The following UNC80 variants were observed in gnomAD, a reference collection of about 807,000 sequenced individuals.
The protein encoded by UNC80 is unc-80 subunit of NALCN channel complex, also known as protein unc-80 homolog.
In UNC80, 164 loss-of-function variants were observed where a neutral mutation model predicts 384.6. The observed-to-expected ratio is 0.43, with a 90% CI of 0.38 to 0.49. The LOEUF is 0.49. Ranked by LOEUF, UNC80 falls within the 20% of genes least tolerant of loss-of-function variation. UNC80 has a pLI of 0.00. For synonymous variants in UNC80, 1,486 were observed against 1,527.8 expected, an observed-to-expected ratio of 0.97 and a Z score of 0.64; for missense variants, 3,330 against 4,143.0, an observed-to-expected ratio of 0.80 and a Z score of 5.39.
intron 42 of UNC80, 65 bp downstream of exon 42, chr2:209,937,695 ACTTTGCC>A: frequency 3.2e-6 from 4 of 1,231,040 alleles, no homozygotes; most frequent in Non-Finnish European, 4.7e-6. Context: ...ATCTGTTCAT[ACTTTGCC>A]AACTTTGAGA....
At chr2:209,807,725 A>G (rs2078998584) in intron 7 of UNC80, among the ~76,000 whole-genome samples, 1 of 152,186 alleles carries the variant, frequency 6.6e-6, no homozygotes, top group African/African-American at 2.4e-5. Flanking sequence ...CTGCTGGTTA[A>G]TTAAAATGAC....
chr2:209,947,469 G>A (rs138391596), intron 47 of UNC80, among the ~76,000 whole-genome samples: 175 of 152,268 alleles, frequency 1.1e-3, no homozygotes, highest in Non-Finnish European at 2.1e-3. Flanking sequence ...AAATCAAAAG[G>A]TGTTAGAGTT....
At chr2:209,963,940 A>C (rs2092671517) in intron 51 of UNC80, among the ~76,000 whole-genome samples, 1 of 152,232 alleles carries the variant, frequency 6.6e-6, no homozygotes, top group Non-Finnish European at 1.5e-5. Context: ...GGACCTCCAA[A>C]GATGAAATAA....
At chr2:209,772,250 G>T (rs112659441) in intron 1 of UNC80, 86 bp downstream of exon 1, 23 of 658,052 alleles carry the variant, frequency 3.5e-5, no homozygotes, top group African/African-American at 1.5e-4. Flanking sequence ...CGCCGCCGCC[G>T]CTGAGGCCGC....
Position 209,817,236 on chromosome 2 carries a change from T to A in UNC80, c.1552+111T>A. 2.8e-6 allele frequency: 3 copies of A among 1,053,802 alleles called. No individual in the cohort carries two copies. The East Asian group carries it at 7.9e-5, about 28-fold the overall frequency. 65.3% of individuals were successfully genotyped at this position (1,053,802 alleles called of 1,614,324 possible). On this transcript the variant is annotated intron_variant, in intron 10 of 64. Transcript: ENST00000673920. ...TTCTTGAACAATTCAGCCAAGAAAT[T>A]TGGGGCTCAAATTCAGGTTCTCCAG...
At chr2:209,785,979 G>A in intron 4 of UNC80, 87 bp from the exon 5 acceptor site, 4 of 1,400,804 alleles carry the variant, frequency 2.9e-6, no homozygotes, top group East Asian at 2.4e-5. Flanking sequence ...ATAACCTTGT[G>A]AGTGATGTTA....
chr2:209,872,732 A>T lies in UNC80; in HGVS notation c.3628-26A>T. 1 of 1,537,782 alleles carries T rather than the reference A, an allele frequency of 6.5e-7. No individual in the cohort carries two copies. The highest frequency in any genetic ancestry group is 8.8e-7 in the Non-Finnish European group (1 of 1,134,534). Reference sequence around the variant, plus strand: ...AGTTATTGTTCATTAATCCCACATTATTCTTTCCTAAACAACCCTACACAG... The same window carrying T: ...AGTTATTGTTCATTAATCCCACATTTTTCTTTCCTAAACAACCCTACACAG... On this transcript the variant is annotated intron_variant, in intron 22 of 64. Coordinates refer to ENST00000673920, the MANE Select transcript of UNC80 (RefSeq NM_001371986.1). The surrounding 1 kb of genome is among the most constrained non-coding windows in gnomAD (Gnocchi z 4.1).
chr2:209,814,533 A>T (rs2079597324), intron 8 of UNC80, among the ~76,000 whole-genome samples: 1 of 152,146 alleles, frequency 6.6e-6, no homozygotes, highest in African/African-American at 2.4e-5. Flanking sequence ...GGCATGAGCC[A>T]CCGCGCCTGG....
intron 36 of UNC80, 124 bp downstream of exon 36, chr2:209,927,110 A>T (rs2090495190): frequency 1.8e-6 from 2 of 1,086,592 alleles, no homozygotes; most frequent in Non-Finnish European, 1.3e-6. Context: ...TGCACATATT[A>T]TAATTACAGA....
chr2:209,903,460 T>C lies in UNC80; in HGVS notation c.4582-1305T>C, dbSNP rs541925726. Among the ~76,000 whole-genome samples the C allele has an allele frequency of 2.5e-4, 27 of 108,460 alleles. 1 individual carries two copies. The highest frequency in any genetic ancestry group is 1.0e-3 in the Admixed American group (7 of 6,826). The allele number at this position is 108,460 out of a possible 152,430, so 71.2% of individuals were successfully genotyped here. ...TATACACATTATATATATTTATATA[T>C]ACATTATATATATAGTATATATGTA... On this transcript the variant is annotated intron_variant, in intron 28 of 64. Coordinates refer to ENST00000673920, the MANE Select transcript of UNC80 (RefSeq NM_001371986.1).
At chr2:209,869,629 A>T (rs190829217) in intron 22 of UNC80, among the ~76,000 whole-genome samples, 2 of 152,270 alleles carry the variant, frequency 1.3e-5, no homozygotes, top group East Asian at 3.9e-4. Context: ...TGATTATAAT[A>T]AAAAGGCAAT....
At position 209,872,783 on chromosome 2, in the gene UNC80, C is replaced by T. The variant is rs1344240196; in HGVS notation, c.3653C>T (p.Ala1218Val). Reference protein sequence around the residue: ...DLEAPVVARAALFLECARFVH... With the variant: ...DLEAPVVARAVLFLECARFVH... ...GAAGCCCCTGTGGTGGCCAGAGCAG[C>T]CTTGTTCCTGGAATGTGCTCGTTTT... The change falls in exon 23 of 65, where the codon GCC becomes GTC. Residue 1218 changes from alanine to valine, a missense_variant. Around this residue, in one of 8 missense-constraint regions of UNC80, gnomAD observed 801 missense variants for 950.8 expected, o/e 0.84. Transcript: ENST00000673920. The surrounding 1 kb of genome is among the most constrained non-coding windows in gnomAD (Gnocchi z 4.1). The T allele has an allele frequency of 6.4e-6, 10 of 1,551,376 alleles. No homozygotes were observed. The highest frequency in any genetic ancestry group is 8.7e-6 in the Non-Finnish European group (10 of 1,146,834).
chr2:209,849,373 T>A, intron 21 of UNC80, 78 bp from the exon 22 acceptor site: 1 of 1,485,022 alleles, frequency 6.7e-7, no homozygotes, highest in South Asian at 1.3e-5. Context: ...CACTGTTATA[T>A]CTTTGAAACT....
At chr2:209,808,334 G>A (rs747396771) in intron 7 of UNC80, among the ~76,000 whole-genome samples, 4 of 151,882 alleles carry the variant, frequency 2.6e-5, no homozygotes, top group African/African-American at 7.3e-5. Flanking sequence ...AAGCCGAGGC[G>A]AGTGGGTCAC....
chr2:209,993,892 A>C (rs986360287), intron 63 of UNC80, among the ~76,000 whole-genome samples, 173 bp from the exon 64 acceptor site: 1 of 152,210 alleles, frequency 6.6e-6, no homozygotes, highest in Admixed American at 6.5e-5. Context: ...CTTTGTAAGA[A>C]GATAAAATCA....
Position 209,913,934 on chromosome 2 carries a change from G to A in UNC80, c.5023G>A (p.Ala1675Thr), listed in dbSNP as rs550786406. ...CAGCATGGATGAGCACATGGCAGGG[G>A]CAGCAGGTAAAGAAAGACCACCTGG... ...LLSMDEHMAG[A>T]AAAMFLLCAV... Residue 1675 changes from alanine (A) to threonine (T), a missense_variant, in exon 31 of 65, where the codon GCA becomes ACA. Physicochemically the swap from Ala to Thr is moderately conservative, Grantham distance 58 (BLOSUM62 0). Around this residue, in one of 8 missense-constraint regions of UNC80, gnomAD observed 801 missense variants for 950.8 expected, o/e 0.84. Coordinates refer to ENST00000673920, the MANE Select transcript of UNC80 (RefSeq NM_001371986.1). The A allele has an allele frequency of 2.6e-6, 4 of 1,546,320 alleles. No individual in the cohort carries two copies. Among genetic ancestry groups the A allele is most frequent in the African/African-American group, 2.7e-5 (2 of 72,918 alleles).
In UNC80 at chr2:209,976,015, AAATTTAGAAAATTTCT is replaced by A. The variant is rs2093004387; in HGVS notation, c.8588-101_8588-86del. ...TTTTAGAAACATGGAGAGAGCTTAG[AAATTTAGAAAATTTCT>A]AAAGGTGCATAAAGGGCTCTGGATG... On this transcript the variant is annotated intron_variant, in intron 56 of 64. Coordinates refer to ENST00000673920, the MANE Select transcript of UNC80 (RefSeq NM_001371986.1). This position sits in a 1 kb window ranked among gnomAD's most constrained non-coding sequence, Gnocchi z 4.3. 14 of 1,289,792 alleles carry A rather than the reference AAATTTAGAAAATTTCT, an allele frequency of 1.1e-5. No individual in the cohort carries two copies. The South Asian group carries it at 1.5e-4, about 13-fold the overall frequency. 79.9% of individuals were successfully genotyped at this position (1,289,792 alleles called of 1,614,324 possible).
chr2:209,864,585 C>T (rs928160357), intron 22 of UNC80, among the ~76,000 whole-genome samples: 2 of 152,168 alleles, frequency 1.3e-5, no homozygotes, highest in Admixed American at 1.3e-4. Context: ...TGCAGGGAAA[C>T]CCCACCCCAT....
intron 58 of UNC80, 40 bp from the exon 59 acceptor site, chr2:209,978,489 T>G (rs376255998): frequency 6.9e-7 from 1 of 1,459,146 alleles, no homozygotes; most frequent in Non-Finnish European, 9.2e-7. Context: ...ACATTTAAGA[T>G]TCTCACCATG....
Sources: gnomAD v4.1 joint callset for allele counts (sites outside exome capture counted in the v4.1 genomes callset) on GRCh38, gnomAD v4.1.1 for gene constraint, gnomAD v4.1.1 regional missense constraint, Gnocchi (gnomAD v3.1) non-coding constraint, MANE v1.5 for transcripts, NCBI Gene and HGNC (gene_info 2026-07-23, HGNC 2026-07-21) for gene names.